Variants in VDAC1 observed in about 807,000 individuals in gnomAD.
VDAC1 encodes the protein voltage dependent anion channel 1.
Under a neutral mutation model 34.7 loss-of-function variants are expected in VDAC1, and 10 were observed. That is an observed-to-expected ratio of 0.29 (90% confidence interval 0.18 to 0.49). The LOEUF (loss-of-function observed/expected upper bound fraction) is 0.49. VDAC1 is among the 20% of genes least tolerant of loss of function. VDAC1 has a pLI of 0.99. For missense variants in VDAC1, 230 were observed against 347.9 expected, an observed-to-expected ratio of 0.66 and a Z score of 2.69; for synonymous variants, 130 against 136.0, an observed-to-expected ratio of 0.96 and a Z score of 0.30.
At chr5:133,982,109 AC>A (rs1415568839) in intron 5 of VDAC1, among the ~76,000 whole-genome samples, 2 of 152,222 alleles carry the variant, frequency 1.3e-5, no homozygotes, top group Non-Finnish European at 2.9e-5. Context: ...TTACAAGGTA[AC>A]CTGAAGAGGC....
the VDAC1 span, among the ~76,000 whole-genome samples, chr5:134,049,691 T>C: frequency 6.6e-6 from 1 of 152,188 alleles, no homozygotes; most frequent in Non-Finnish European, 1.5e-5. Flanking sequence ...GCAATTCTCC[T>C]GTCTCAGCCT....
chr5:133,995,550 A>G (rs1406809862), intron 1 of VDAC1, among the ~76,000 whole-genome samples: 1 of 152,110 alleles, frequency 6.6e-6, no homozygotes, highest in East Asian at 1.9e-4. Context: ...CTGAAGTGAC[A>G]CCACCGAGGA....
intron 1 of VDAC1, among the ~76,000 whole-genome samples, chr5:133,999,593 C>T (rs1344323528): frequency 6.6e-6 from 1 of 152,110 alleles, no homozygotes; most frequent in Non-Finnish European, 1.5e-5. Context: ...GGGGTACTCA[C>T]CCCGAGTCTC....
the VDAC1 span, among the ~76,000 whole-genome samples, chr5:134,102,910 A>G: frequency 6.6e-6 from 1 of 151,616 alleles, no homozygotes; most frequent in African/African-American, 2.4e-5. Context: ...GTTCTCAGGG[A>G]GTTGTTAGAG....
chr5:134,037,399 G>A, the VDAC1 span, among the ~76,000 whole-genome samples: 1 of 152,198 alleles, frequency 6.6e-6, no homozygotes, highest in Non-Finnish European at 1.5e-5. Flanking sequence ...CTCTGACCTA[G>A]TGCATTAGGG....
chr5:133,975,422 G>A (rs1387032185), intron 7 of VDAC1, among the ~76,000 whole-genome samples: 1 of 151,778 alleles, frequency 6.6e-6, no homozygotes, highest in African/African-American at 2.4e-5. Flanking sequence ...TTTTCAAAGT[G>A]AGAACATCTC....
At chr5:134,015,759 C>A in the VDAC1 span, among the ~76,000 whole-genome samples, 6 of 152,248 alleles carry the variant, frequency 3.9e-5, no homozygotes, top group East Asian at 1.2e-3. Flanking sequence ...ATTCTCCTGC[C>A]TCAGCCTCCC....
the VDAC1 span, among the ~76,000 whole-genome samples, chr5:134,110,285 G>GT: frequency 6.6e-6 from 1 of 152,146 alleles, no homozygotes; most frequent in Non-Finnish European, 1.5e-5. Context: ...CTTGGTTATT[G>GT]TATGAAGTCC....
At chr5:134,046,765 T>C in the VDAC1 span, among the ~76,000 whole-genome samples, 103,546 of 152,082 alleles carry the variant, frequency 0.68, 36,171 homozygotes, top group Admixed American at 0.78. Flanking sequence ...CTAAAAAATG[T>C]TGTACACAGA....
the VDAC1 span, among the ~76,000 whole-genome samples, chr5:134,022,512 C>A: frequency 6.6e-6 from 1 of 152,170 alleles, no homozygotes; most frequent in Non-Finnish European, 1.5e-5. Context: ...CCCAAAATAA[C>A]AAGATAATGG....
At chr5:134,075,017 C>T in the VDAC1 span, among the ~76,000 whole-genome samples, 2 of 152,154 alleles carry the variant, frequency 1.3e-5, no homozygotes, top group African/African-American at 2.4e-5. Flanking sequence ...CATTTGGACT[C>T]TCAGCAGGCC....
At chr5:133,990,732 T>C in intron 5 of VDAC1, 123 bp downstream of exon 5, 1 of 1,146,202 alleles carries the variant, frequency 8.7e-7, no homozygotes, top group Non-Finnish European at 1.2e-6. Flanking sequence ...AGGACTTAAA[T>C]CGCCAGGTCT....
chr5:134,008,077 G>A (rs1199521505), upstream of VDAC1, among the ~76,000 whole-genome samples: 1 of 152,220 alleles, frequency 6.6e-6, no homozygotes, highest in Admixed American at 6.5e-5. Flanking sequence ...TGGCCACATG[G>A]CCCAGTCTGA....
the VDAC1 span, among the ~76,000 whole-genome samples, chr5:134,041,905 C>G: frequency 6.6e-6 from 1 of 152,214 alleles, no homozygotes; most frequent in Non-Finnish European, 1.5e-5. Context: ...CTCGAAGCTC[C>G]TGAGGTGACC....
the VDAC1 span, among the ~76,000 whole-genome samples, chr5:134,043,191 A>G: frequency 1.3e-5 from 2 of 152,214 alleles, no homozygotes; most frequent in Non-Finnish European, 2.9e-5. Flanking sequence ...GATATAATCA[A>G]TTTTGACTGT....
chr5:134,027,569 G>C, the VDAC1 span, among the ~76,000 whole-genome samples: 1 of 152,122 alleles, frequency 6.6e-6, no homozygotes, highest in Non-Finnish European at 1.5e-5. Context: ...CTTAAACAAA[G>C]AAGATTGGAA....
At chr5:133,994,162 G>A (rs1381648910) in intron 1 of VDAC1, among the ~76,000 whole-genome samples, 4 of 152,114 alleles carry the variant, frequency 2.6e-5, no homozygotes. Context: ...GACATGATAT[G>A]CTTCCATATC....
At chr5:134,078,647 CTTTTTTTT>C in the VDAC1 span, among the ~76,000 whole-genome samples, 27 of 118,466 alleles carry the variant, frequency 2.3e-4, no homozygotes, top group African/African-American at 7.6e-4. Flanking sequence ...CCTCAAGCAT[CTTTTTTTT>C]TTTTTTTTTT....
chr5:134,038,665 G>A, the VDAC1 span, among the ~76,000 whole-genome samples: 1 of 152,176 alleles, frequency 6.6e-6, no homozygotes, highest in Non-Finnish European at 1.5e-5. Flanking sequence ...CAAGTCTTTT[G>A]TCTTTGCCTG....
Sources: allele counts gnomAD v4.1 joint callset (sites outside exome capture counted in the v4.1 genomes callset), GRCh38; gene constraint gnomAD v4.1.1; transcripts MANE v1.5; gene names NCBI Gene and HGNC (gene_info 2026-07-23, HGNC 2026-07-21).